The following SFMBT1 variants were observed in gnomAD, a reference collection of about 807,000 sequenced individuals.
The protein encoded by SFMBT1 is scm-like with four MBT domains protein 1.
A neutral mutation model predicts 108.7 loss-of-function variants in SFMBT1; 32 were observed. That is an observed-to-expected ratio of 0.29 (90% CI 0.22 to 0.40). The LOEUF is 0.40. SFMBT1 is among the 10% of genes least tolerant of loss of function. The pLI, the probability that SFMBT1 is intolerant of heterozygous loss-of-function variation, is 1.00. For synonymous variants in SFMBT1, 348 were observed against 369.5 expected, an observed-to-expected ratio of 0.94 and a Z score of 0.67; for missense variants, 816 against 1,059.6, an observed-to-expected ratio of 0.77 and a Z score of 3.19.
At chr3:53,014,014 G>A (rs577725460) in intron 1 of SFMBT1, among the ~76,000 whole-genome samples, 1 of 152,230 alleles carries the variant, frequency 6.6e-6, no homozygotes, top group African/African-American at 2.4e-5. Context: ...GGCACCATGT[G>A]ATATGATACC....
At chr3:53,006,389 C>T (rs955386383) in intron 1 of SFMBT1, among the ~76,000 whole-genome samples, 5 of 152,100 alleles carry the variant, frequency 3.3e-5, no homozygotes, top group Middle Eastern at 6.8e-3. Flanking sequence ...CCAGCACTTT[C>T]GGAGGCCAAG....
chr3:53,013,605 T>C (rs537037257), intron 1 of SFMBT1, among the ~76,000 whole-genome samples: 1 of 149,300 alleles, frequency 6.7e-6, no homozygotes, highest in South Asian at 2.1e-4. Flanking sequence ...ACAGTTTATT[T>C]ATAAAGAATC....
chr3:52,998,506 T>A (rs1475577115), intron 1 of SFMBT1, among the ~76,000 whole-genome samples: 3 of 150,330 alleles, frequency 2.0e-5, no homozygotes, highest in African/African-American at 4.8e-5. Context: ...CATGCCCCCA[T>A]CATGGTGGTT....
Position 52,976,806 on chromosome 3 carries a change from C to T in SFMBT1, c.-130-7548G>A, listed in dbSNP as rs187612981. The stretch of plus-strand genomic sequence containing the variant: ...ATTTTTTTAAAAGGTCAGATATGAA[C>T]GATAATTGTAGGGAATGACTGGTAA... On this transcript the variant is annotated intron_variant, in intron 1 of 20. Coordinates refer to ENST00000394752, the MANE Select transcript of SFMBT1 (RefSeq NM_016329.4). 1.5e-3 allele frequency among the ~76,000 whole-genome samples: 235 copies of T among 152,150 alleles called. 1 individual carries two copies. The highest frequency in any genetic ancestry group is 0.012 in the Admixed American group (183 of 15,276).
chr3:52,986,855 GC>G (rs1704938820), intron 1 of SFMBT1, among the ~76,000 whole-genome samples: 1 of 151,714 alleles, frequency 6.6e-6, no homozygotes, highest in Non-Finnish European at 1.5e-5. Flanking sequence ...CAGGAGAATC[GC>G]TTGAACCCGG....
At chr3:52,957,469 A>G (rs1392527251) in intron 2 of SFMBT1, among the ~76,000 whole-genome samples, 1 of 152,176 alleles carries the variant, frequency 6.6e-6, no homozygotes, top group East Asian at 1.9e-4. Flanking sequence ...AATTAGAAAC[A>G]AATTTCACAG....
chr3:52,962,807 T>TAAAAAAAAAAAAA (rs561200053), intron 2 of SFMBT1, among the ~76,000 whole-genome samples: 2 of 10,600 alleles, frequency 1.9e-4, no homozygotes, highest in Admixed American at 8.9e-4. Flanking sequence ...GCTCCCTGTC[T>TAAAAAAAAAAAAA]CAAAAAAAAA....
At chr3:52,917,819 C>T (rs1229328077) in intron 13 of SFMBT1, among the ~76,000 whole-genome samples, 2 of 152,172 alleles carry the variant, frequency 1.3e-5, no homozygotes, top group Non-Finnish European at 2.9e-5. Flanking sequence ...TTCCCCACCC[C>T]AGTCTGTAGA....
chr3:52,983,736 A>G (rs1324224230), intron 1 of SFMBT1, among the ~76,000 whole-genome samples: 2 of 152,196 alleles, frequency 1.3e-5, no homozygotes, highest in East Asian at 3.8e-4. Context: ...GGCGTATTTG[A>G]GGCCACAGTG....
chr3:52,964,709 C>G (rs1187771804), intron 2 of SFMBT1, among the ~76,000 whole-genome samples: 1 of 152,018 alleles, frequency 6.6e-6, no homozygotes. Flanking sequence ...AGGATATGTT[C>G]AGGAGGTACT....
At chr3:52,990,355 G>C (rs1705079411) in intron 1 of SFMBT1, among the ~76,000 whole-genome samples, 3 of 152,142 alleles carry the variant, frequency 2.0e-5, no homozygotes, top group Admixed American at 6.6e-5. Flanking sequence ...CACAGGCTCA[G>C]CCACATCAAG....
At chr3:53,002,123 G>A (rs1288199333) in intron 1 of SFMBT1, among the ~76,000 whole-genome samples, 1 of 149,534 alleles carries the variant, frequency 6.7e-6, no homozygotes, top group East Asian at 2.0e-4. Context: ...CAGCCCAGTT[G>A]GCCGCAGTGG....
At chr3:52,994,978 G>GA (rs1294821042) in intron 1 of SFMBT1, among the ~76,000 whole-genome samples, 3 of 132,490 alleles carry the variant, frequency 2.3e-5, no homozygotes, top group Admixed American at 7.8e-5. Context: ...AAAACAATTT[G>GA]AAAAAAATCT....
intron 1 of SFMBT1, among the ~76,000 whole-genome samples, chr3:53,019,539 T>C (rs1017534459): frequency 7.9e-5 from 12 of 152,170 alleles, no homozygotes; most frequent in African/African-American, 2.2e-4. Flanking sequence ...GGTTTCCCCA[T>C]CTCAATATTA....
rs777410940 is a variant in SFMBT1, at chr3:52,930,964, GCTCTTC to G, written c.766_771del (p.Glu256_Glu257del). On this transcript the variant is annotated inframe_deletion, in exon 7 of 21. Transcript: ENST00000394752. ...ACCTTAAATAAGTAAGATGGTAATG[GCTCTTC>G]CTCTTCCTCTTTCACTTTGGCCAAA... is the stretch of plus-strand genomic sequence containing the variant. 6 of 1,613,932 alleles carry G rather than the reference GCTCTTC, an allele frequency of 3.7e-6. No individual in the cohort carries two copies. The highest frequency in any genetic ancestry group is 2.2e-5 in the East Asian group (1 of 44,858).
At chr3:53,025,334 T>C (rs1002347451) in intron 1 of SFMBT1, among the ~76,000 whole-genome samples, 11 of 152,322 alleles carry the variant, frequency 7.2e-5, no homozygotes, top group African/African-American at 2.6e-4. Flanking sequence ...TCAGGCTGGG[T>C]GCAGTGGCTC....
At chr3:52,915,637 G>A (rs1296015465) in intron 14 of SFMBT1, among the ~76,000 whole-genome samples, 1 of 152,150 alleles carries the variant, frequency 6.6e-6, no homozygotes, top group Admixed American at 6.5e-5. Flanking sequence ...TTCAAGAGAG[G>A]ACCCTGGACA....
At chr3:53,016,545 A>G (rs1015250359) in intron 1 of SFMBT1, among the ~76,000 whole-genome samples, 3 of 152,160 alleles carry the variant, frequency 2.0e-5, no homozygotes, top group Non-Finnish European at 4.4e-5. Context: ...CCGTGTTTTA[A>G]TTTGCATCCC....
chr3:52,918,994 G>A (rs145101543), intron 12 of SFMBT1, among the ~76,000 whole-genome samples: 92 of 152,212 alleles, frequency 6.0e-4, no homozygotes, highest in African/African-American at 2.2e-3. Flanking sequence ...TCACGAGACA[G>A]TTCACAATAA....
Sources: allele counts gnomAD v4.1 joint callset (sites outside exome capture counted in the v4.1 genomes callset), GRCh38; gene constraint gnomAD v4.1.1; transcripts MANE v1.5; gene names NCBI Gene and HGNC (gene_info 2026-07-23, HGNC 2026-07-21).